YIPF6: variants seen among roughly 807,000 people sequenced by gnomAD.
The protein encoded by YIPF6 is Yip1 domain family member 6.
In YIPF6, 3 loss-of-function variants were observed where a neutral mutation model predicts 16.8. The observed-to-expected ratio is 0.18, with a 90% CI of 0.08 to 0.46. YIPF6 has a LOEUF of 0.46. Ranked by LOEUF, YIPF6 falls within the 20% of genes least tolerant of loss-of-function variation. The probability of loss-of-function intolerance (pLI) is 0.98; values close to 1 mark genes in which losing one functional copy is unlikely to be tolerated. For missense variants in YIPF6, 145 were observed against 184.9 expected (o/e 0.78, Z 1.25); for synonymous variants, 67 against 61.9 (o/e 1.08, Z -0.38).
intron 4 of YIPF6, among the ~76,000 whole-genome samples, chrX:68,519,725 G>A (rs1171859303): frequency 9.1e-6 from 1 of 109,867 alleles, no homozygotes; most frequent in Non-Finnish European, 1.9e-5. Context: ...AACCCTTTAT[G>A]GGTCTAAATT....
Position 68,534,064 on chromosome X carries a change from C to T in YIPF6, c.*2065C>T, listed in dbSNP as rs752230756. 22 of 111,796 alleles carry T rather than the reference C, an allele frequency of 2.0e-4. No homozygotes were observed. The highest frequency in any genetic ancestry group is 3.6e-4 in the Non-Finnish European group (19 of 53,167). 9.2% of individuals were successfully genotyped at this position (111,796 alleles called of 1,213,427 possible). The stretch of plus-strand genomic sequence containing the variant: ...ATATTGGGACTTAAGGCAGCTTGTT[C>T]TATGTATTTATCTTTGCTCTTGGGT... On this transcript the variant is annotated 3_prime_UTR_variant, in exon 7 of 7. Transcript: ENST00000462683.
At position 68,499,096 on chromosome X, in the gene YIPF6, C is replaced by G; in HGVS notation, c.30C>G (p.Asp10Glu). 1 of 1,188,780 alleles carries G rather than the reference C, an allele frequency of 8.4e-7. No individual in the cohort carries two copies. The highest frequency in any genetic ancestry group is 1.1e-6 in the Non-Finnish European group (1 of 883,819). Residue 10 changes from aspartate to glutamate, a missense_variant, in exon 1 of 7, where the codon GAC (aspartate) becomes GAG (glutamate). Transcript: ENST00000462683. MAEAEESPG[D>E]PGTASPRPLF... Reference sequence around the variant, plus strand: ...CGGAAGCGGAGGAGTCTCCAGGAGACCCGGGGACAGCATCGCCCAGGCCCC... The same window carrying G: ...CGGAAGCGGAGGAGTCTCCAGGAGAGCCGGGGACAGCATCGCCCAGGCCCC...
chrX:68,524,025 TC>T (rs1283087408), intron 6 of YIPF6, among the ~76,000 whole-genome samples: 1 of 112,141 alleles, frequency 8.9e-6, no homozygotes, highest in African/African-American at 3.2e-5. Flanking sequence ...ATGGTCTTTG[TC>T]CTTGGAGTTC....
chrX:68,524,553 G>C (rs1180959595), intron 6 of YIPF6, among the ~76,000 whole-genome samples: 1 of 107,486 alleles, frequency 9.3e-6, no homozygotes, highest in Non-Finnish European at 1.9e-5. Flanking sequence ...TTAAGTTCTG[G>C]GATACATGTG....
intron 6 of YIPF6, among the ~76,000 whole-genome samples, chrX:68,526,365 C>G (rs1178492375): frequency 8.9e-6 from 1 of 111,905 alleles, no homozygotes. Flanking sequence ...TGCTTATCAG[C>G]TTAAGGAGAT....
At chrX:68,499,386 C>T (rs1158894805) in intron 1 of YIPF6, among the ~76,000 whole-genome samples, 2 of 112,282 alleles carry the variant, frequency 1.8e-5, no homozygotes, top group African/African-American at 6.5e-5. Flanking sequence ...TCATCGTCCC[C>T]TACATTGTGT....
Position 68,534,516 on chromosome X carries a change from T to C in YIPF6, c.*2517T>C, listed in dbSNP as rs1175643926. The C allele has an allele frequency of 9.0e-6, 1 of 111,702 alleles. No individual in the cohort carries two copies. The highest frequency in any genetic ancestry group is 3.3e-5 in the African/African-American group (1 of 30,761). 9.2% of individuals were successfully genotyped at this position (111,702 alleles called of 1,213,427 possible). ...TTTTCACATTGAAAATCAGTTAGAT[T>C]TGCTTAAGCCTCAAAGAGAATGTTT... On this transcript the variant is annotated 3_prime_UTR_variant, in exon 7 of 7. Transcript: ENST00000462683.
rs753572484 is a variant in YIPF6 at position 68,512,025 on chromosome X, A to T, written c.186+48A>T. 2.7e-6 allele frequency: 3 copies of T among 1,099,365 alleles called. No individual in the cohort carries two copies. The Admixed American group carries it at 8.1e-5, about 30-fold the overall frequency. The allele number at this position is 1,099,365 out of a possible 1,213,427, so 90.6% of individuals were successfully genotyped here. Reference sequence around the variant, plus strand: ...ACTTCTGTTCAGTATCATGGGACTAAGTAACTAATAGTACTTTGCAATATT... The same window carrying T: ...ACTTCTGTTCAGTATCATGGGACTATGTAACTAATAGTACTTTGCAATATT... On this transcript the variant is annotated intron_variant, in intron 2 of 6. Coordinates refer to ENST00000462683, the MANE Select transcript of YIPF6 (RefSeq NM_173834.4).
At chrX:68,516,251 C>T (rs1160238758) in intron 3 of YIPF6, among the ~76,000 whole-genome samples, 6 of 112,058 alleles carry the variant, frequency 5.4e-5, no homozygotes, top group African/African-American at 1.3e-4. Flanking sequence ...ATAGTAAACA[C>T]GTAAACCACA....
In YIPF6 at chrX:68,499,060, G is replaced by A. The variant is rs773298743; in HGVS notation, c.-7G>A. 7.3e-5 allele frequency: 87 copies of A among 1,184,457 alleles called. No individual in the cohort carries two copies. Among genetic ancestry groups the A allele is most frequent in the Non-Finnish European group, 9.3e-5 (82 of 881,878 alleles). ...TGTGGGAGCGACCCGGGAGAAGGAG[G>A]GCCAAGATGGCGGAAGCGGAGGAGT... On this transcript the variant is annotated 5_prime_UTR_variant, in exon 1 of 7. Transcript: ENST00000462683.
At chrX:68,500,271 A>G (rs1368683046) in intron 1 of YIPF6, among the ~76,000 whole-genome samples, 2 of 111,397 alleles carry the variant, frequency 1.8e-5, no homozygotes, top group East Asian at 2.8e-4. Flanking sequence ...GTGTTTAGTT[A>G]TATAGTAGTT....
At position 68,534,349 on chromosome X, in the gene YIPF6, A is replaced by G. The variant is rs2079183413; in HGVS notation, c.*2350A>G. 1 of 111,253 alleles carries G rather than the reference A, an allele frequency of 9.0e-6. No homozygotes were observed. The highest frequency in any genetic ancestry group is 9.6e-5 in the Admixed American group (1 of 10,428). 9.2% of individuals were successfully genotyped at this position (111,253 alleles called of 1,213,427 possible). On this transcript the variant is annotated 3_prime_UTR_variant, in exon 7 of 7. Coordinates refer to ENST00000462683, the MANE Select transcript of YIPF6 (RefSeq NM_173834.4). The stretch of plus-strand genomic sequence containing the variant: ...AACTCTTGATTACTGAAAATGTCAA[A>G]TCCTAGAAAACGTAGCATGCCTATA...
intron 4 of YIPF6, among the ~76,000 whole-genome samples, chrX:68,520,355 A>T (rs1325718854): frequency 8.9e-6 from 1 of 112,867 alleles, no homozygotes; most frequent in African/African-American, 3.2e-5. Flanking sequence ...AAGAAAGGAT[A>T]TTTAAGTGGT....
At chrX:68,516,046 C>T (rs2079101419) in intron 3 of YIPF6, among the ~76,000 whole-genome samples, 1 of 111,057 alleles carries the variant, frequency 9.0e-6, no homozygotes, top group East Asian at 2.8e-4. Flanking sequence ...TCGCTTGAAC[C>T]CGGGAGGTGG....
chrX:68,526,325 T>C (rs1484138678), intron 6 of YIPF6, among the ~76,000 whole-genome samples: 3 of 106,883 alleles, frequency 2.8e-5, no homozygotes, highest in African/African-American at 1.1e-4. Flanking sequence ...TTTTGCACAT[T>C]GATTTTGTAT....
At chrX:68,517,164 T>C (rs1478514158) in intron 3 of YIPF6, among the ~76,000 whole-genome samples, 1 of 109,460 alleles carries the variant, frequency 9.1e-6, no homozygotes, top group African/African-American at 3.3e-5. Flanking sequence ...TTGTTTGTTT[T>C]TGAGACGGAG....
In YIPF6 at chrX:68,521,415, C is replaced by A; in HGVS notation, c.352C>A (p.Pro118Thr). ...DSADSEKDGG[P>T]QFAEVFVIVW... Reference sequence around the variant, plus strand: ...TGCAGATAGTGAAAAAGATGGAGGGCCCCAATTTGCAGAGGTGTTTGTCAT... The same window carrying A: ...TGCAGATAGTGAAAAAGATGGAGGGACCCAATTTGCAGAGGTGTTTGTCAT... The change falls in exon 5 of 7, where the codon CCC becomes ACC. Residue 118 changes from proline (P) to threonine (T), a missense_variant. Physicochemically the swap from Pro to Thr is conservative, Grantham distance 38. Transcript: ENST00000462683. 8.3e-7 allele frequency: 1 copy of A among 1,210,578 alleles called. No individual in the cohort carries two copies. The highest frequency in any genetic ancestry group is 1.1e-6 in the Non-Finnish European group (1 of 894,830).
At chrX:68,505,493 C>G (rs1203571823) in intron 1 of YIPF6, among the ~76,000 whole-genome samples, 3 of 112,033 alleles carry the variant, frequency 2.7e-5, no homozygotes, top group Non-Finnish European at 5.6e-5. Flanking sequence ...CCTTGTATTT[C>G]TTGATTATGT....
At chrX:68,513,534 C>T (rs1329678318) in intron 3 of YIPF6, 129 bp downstream of exon 3, 18 of 350,912 alleles carry the variant, frequency 5.1e-5, no homozygotes, top group Non-Finnish European at 7.0e-5. Flanking sequence ...AATATGTAAA[C>T]GAATATGTAA....
Sources: allele counts gnomAD v4.1 joint callset (sites outside exome capture counted in the v4.1 genomes callset), GRCh38; gene constraint gnomAD v4.1.1; transcripts MANE v1.5; gene names NCBI Gene and HGNC (gene_info 2026-07-23, HGNC 2026-07-21).